The following CPNE1 variants were observed in gnomAD, a reference collection of about 807,000 sequenced individuals.
CPNE1 encodes the protein copine 1.
A neutral mutation model predicts 63.2 loss-of-function variants in CPNE1; 58 were observed. The ratio of observed to expected loss-of-function variants is 0.92; its 90% CI spans 0.74 to 1.14. The LOEUF (loss-of-function observed/expected upper bound fraction) is 1.14. Ranked by LOEUF, CPNE1 falls within the 50% of genes most tolerant of loss-of-function variation. CPNE1 has a pLI of 0.00. For missense variants in CPNE1, 672 were observed against 661.7 expected, an observed-to-expected ratio of 1.02 and a Z score of -0.17; for synonymous variants, 237 against 249.0, an observed-to-expected ratio of 0.95 and a Z score of 0.45.
intron 1 of CPNE1, chr20:35,650,184 G>A (rs2033402189): frequency 6.6e-6 from 1 of 152,510 alleles, no homozygotes; most frequent in Admixed American, 6.5e-5. Flanking sequence ...TCCACAACGA[G>A]CACTGTTGTG....
At chr20:35,627,533 C>G (rs983492743) in intron 13 of CPNE1, 120 bp from the exon 14 acceptor site, 33 of 996,192 alleles carry the variant, frequency 3.3e-5, no homozygotes, top group Non-Finnish European at 5.8e-6. Context: ...ATTCATTCAC[C>G]CTTGTAAACC....
chr20:35,652,575 G>A, intron 1 of CPNE1: 6 of 1,614,152 alleles, frequency 3.7e-6, no homozygotes, highest in South Asian at 1.1e-5. Context: ...TGTCATTTAA[G>A]TCAATGACAG....
chr20:35,636,498 C>G (rs2032492135), intron 1 of CPNE1, among the ~76,000 whole-genome samples: 2 of 152,138 alleles, frequency 1.3e-5, no homozygotes, highest in Admixed American at 1.3e-4. Flanking sequence ...TATTGGTATC[C>G]TATGAAAAAA....
chr20:35,654,726 C>G, intron 1 of CPNE1: 6 of 1,613,678 alleles, frequency 3.7e-6, no homozygotes, highest in Non-Finnish European at 5.1e-6. Flanking sequence ...GCATTGGTGG[C>G]AGAGATGGCA....
intron 1 of CPNE1, chr20:35,643,074 T>G (rs1412795925): frequency 2.6e-5 from 4 of 152,328 alleles, no homozygotes; most frequent in African/African-American, 9.7e-5. Flanking sequence ...AGAACCTAAC[T>G]TGACGACAAA....
intron 1 of CPNE1, among the ~76,000 whole-genome samples, chr20:35,640,959 C>T (rs1601439635): frequency 6.6e-6 from 1 of 152,144 alleles, no homozygotes; most frequent in South Asian, 2.1e-4. Context: ...TCGGGTGTTG[C>T]GAATGGAACA....
In CPNE1 at chr20:35,627,358, A is replaced by C; in HGVS notation, c.1158T>G (p.Tyr386Ter). The change falls in exon 14 of 16, where the codon TAT becomes TAG. Residue 386 changes from tyrosine (Y) to a stop codon, truncating the protein, a stop_gained. Coordinates refer to ENST00000397443, the MANE Select transcript of CPNE1 (RefSeq NM_152925.3). LOFTEE classifies it high-confidence loss of function. Reference protein sequence around the residue: ...YRQALPQVRLYGPTNFAPIIN... With the variant: ...YRQALPQVRL The stretch of plus-strand genomic sequence containing the variant: ...TGATGGGTGCAAAGTTGGTAGGGCC[A>C]TAGAGGCGAACTTGGGGCAGGGCTT... 1 of 1,614,140 alleles carries C rather than the reference A, an allele frequency of 6.2e-7. No individual in the cohort carries two copies. Among genetic ancestry groups the C allele is most frequent in the Non-Finnish European group, 8.5e-7 (1 of 1,180,024 alleles).
In CPNE1 at chr20:35,631,138, C is replaced by T; in HGVS notation, c.837G>A (p.Met279Ile). 6.2e-7 allele frequency: 1 copy of T among 1,614,134 alleles called. No homozygotes were observed. The highest frequency in any genetic ancestry group is 8.5e-7 in the Non-Finnish European group (1 of 1,180,032). Residue 279 changes from methionine (M) to isoleucine (I), a missense_variant, in exon 10 of 16, where the codon ATG (methionine) becomes ATA (isoleucine). Coordinates refer to ENST00000397443, the MANE Select transcript of CPNE1 (RefSeq NM_152925.3). Reference sequence around the variant, plus strand: ...CAGTGAAGTTGATCTGACAGCCTCCCATCACATAGTCCAGAAAGGAGTACT... The same window carrying T: ...CAGTGAAGTTGATCTGACAGCCTCCTATCACATAGTCCAGAAAGGAGTACT... ...ETEYSFLDYV[M>I]GGCQINFTVG... is the part of the protein sequence containing the mutation.
At chr20:35,658,436 T>TACCCC (rs1255096651) in intron 1 of CPNE1, among the ~76,000 whole-genome samples, 2 of 152,146 alleles carry the variant, frequency 1.3e-5, no homozygotes, top group African/African-American at 4.8e-5. Flanking sequence ...AGCACCCATC[T>TACCCC]ACCCCACCCC....
At chr20:35,654,129 A>C in intron 1 of CPNE1, 1 of 1,614,234 alleles carries the variant, frequency 6.2e-7, no homozygotes, top group Non-Finnish European at 8.5e-7. Context: ...GAGTTTGTCC[A>C]GAAGGTCCCA....
chr20:35,636,114 C>T (rs2032473768), intron 1 of CPNE1, among the ~76,000 whole-genome samples: 1 of 152,174 alleles, frequency 6.6e-6, no homozygotes, highest in Admixed American at 6.6e-5. Context: ...GTGAACAGTC[C>T]CAGCTGAAAT....
At chr20:35,646,435 G>A (rs1053457474) in intron 1 of CPNE1, among the ~76,000 whole-genome samples, 5 of 135,532 alleles carry the variant, frequency 3.7e-5, no homozygotes, top group African/African-American at 8.6e-5. Context: ...TGTTACTCAC[G>A]CTAGTCTCAA....
chr20:35,652,306 T>A, intron 1 of CPNE1: 1 of 508,480 alleles, frequency 2.0e-6, no homozygotes, highest in Non-Finnish European at 3.4e-6. Flanking sequence ...AAATCATTTA[T>A]GTGTTCTCTC....
chr20:35,655,138 C>T, intron 1 of CPNE1: 1 of 1,614,160 alleles, frequency 6.2e-7, no homozygotes, highest in South Asian at 1.1e-5. Flanking sequence ...TTTAATTGTA[C>T]CACCTGTGCG....
intron 1 of CPNE1, chr20:35,654,297 A>G (rs2033749020): frequency 6.2e-7 from 1 of 1,614,182 alleles, no homozygotes; most frequent in South Asian, 1.1e-5. Context: ...CATTCCCATT[A>G]TTTCGACCTA....
chr20:35,641,458 CA>C (rs2032802421), intron 1 of CPNE1, among the ~76,000 whole-genome samples: 1 of 152,208 alleles, frequency 6.6e-6, no homozygotes, highest in African/African-American at 2.4e-5. Flanking sequence ...ACAATAATGA[CA>C]TACTACAACA....
chr20:35,664,074 AC>A (rs1469279134), intron 1 of CPNE1, among the ~76,000 whole-genome samples: 1 of 146,096 alleles, frequency 6.8e-6, no homozygotes, highest in East Asian at 2.0e-4. Context: ...TACTCACCCC[AC>A]CCCCTCACCT....
At chr20:35,653,695 T>C (rs147392036) in intron 1 of CPNE1, 25 of 1,614,092 alleles carry the variant, frequency 1.5e-5, no homozygotes, top group African/African-American at 5.3e-5. Flanking sequence ...GGCACAGACT[T>C]TGGCAGAGTT....
At chr20:35,628,170 A>G (rs2031887857) in intron 13 of CPNE1, among the ~76,000 whole-genome samples, 1 of 152,112 alleles carries the variant, frequency 6.6e-6, no homozygotes, top group Admixed American at 6.6e-5. Flanking sequence ...CTGTAGTCCC[A>G]GCTACTCGGG....
Sources: gnomAD v4.1 joint callset for allele counts (sites outside exome capture counted in the v4.1 genomes callset) on GRCh38, gnomAD v4.1.1 for gene constraint, MANE v1.5 for transcripts, NCBI Gene and HGNC (gene_info 2026-07-23, HGNC 2026-07-21) for gene names.